Variants in SPATA13 observed in about 807,000 individuals in gnomAD.
SPATA13 encodes spermatogenesis-associated protein 13.
SPATA13 carries 50 observed loss-of-function variants against 104.0 expected under a neutral mutation model. The observed-to-expected ratio is 0.48, with a 90% CI of 0.38 to 0.61. The LOEUF (loss-of-function observed/expected upper bound fraction) is 0.61. SPATA13 is among the 20% of genes least tolerant of loss of function. The probability of loss-of-function intolerance (pLI) is 0.00; values close to 1 mark genes in which losing one functional copy is unlikely to be tolerated. For synonymous variants in SPATA13, 606 were observed against 667.5 expected, an observed-to-expected ratio of 0.91 and a Z score of 1.42; for missense variants, 1,524 against 1,690.6, an observed-to-expected ratio of 0.90 and a Z score of 1.73.
intron 3 of SPATA13, among the ~76,000 whole-genome samples, chr13:24,149,385 A>G (rs1882030804): frequency 6.6e-6 from 1 of 152,076 alleles, no homozygotes; most frequent in African/African-American, 2.4e-5. Flanking sequence ...TACGCATCTC[A>G]CTGTGGGCTG....
intron 3 of SPATA13, among the ~76,000 whole-genome samples, chr13:24,140,605 G>C (rs1881732832): frequency 1.3e-5 from 2 of 152,158 alleles, no homozygotes; most frequent in African/African-American, 4.8e-5. Context: ...GTGTGCCCCT[G>C]CTCTTGTGCG....
At chr13:24,166,834 A>G (rs1882753248) in intron 1 of SPATA13, among the ~76,000 whole-genome samples, 1 of 152,224 alleles carries the variant, frequency 6.6e-6, no homozygotes, top group Admixed American at 6.5e-5. Context: ...GAGGGCATTA[A>G]TCTCCTTCAC....
intron 3 of SPATA13, among the ~76,000 whole-genome samples, chr13:24,055,341 A>T (rs1878506046): frequency 6.6e-6 from 1 of 152,210 alleles, no homozygotes; most frequent in African/African-American, 2.4e-5. Flanking sequence ...AGATGCAATC[A>T]GCATGCCTGG....
chr13:24,118,395 G>T (rs12866835), intron 3 of SPATA13, among the ~76,000 whole-genome samples: 1 of 152,052 alleles, frequency 6.6e-6, no homozygotes, highest in African/African-American at 2.4e-5. Flanking sequence ...CTCCTGGCAC[G>T]TGTGGATTAT....
intron 2 of SPATA13, among the ~76,000 whole-genome samples, chr13:23,997,293 G>A (rs530915034): frequency 3.9e-5 from 6 of 152,256 alleles, no homozygotes; most frequent in African/African-American, 1.2e-4. Flanking sequence ...TCAAAACCAT[G>A]TCCATATTCA....
chr13:24,223,693 C>A lies in SPATA13; in HGVS notation c.764C>A (p.Thr255Lys). 1 of 1,552,184 alleles carries A rather than the reference C, an allele frequency of 6.4e-7. No individual in the cohort carries two copies. Among genetic ancestry groups the A allele is most frequent in the Non-Finnish European group, 8.7e-7 (1 of 1,147,098 alleles). The stretch of plus-strand genomic sequence containing the variant: ...ATGGGCTACAGGAGGAGCAAGAGCA[C>A]GGACAATCTTGCCTTTCTGAAGAAG... ...NSMGYRRSKS[T>K]DNLAFLKKSS... is the part of the protein sequence containing the mutation. Residue 255 changes from threonine (T) to lysine (K), a missense_variant, in exon 2 of 13, where the codon ACG (threonine) becomes AAG (lysine). Physicochemically the swap from Thr to Lys is moderately conservative, Grantham distance 78 (BLOSUM62 -1). Transcript: ENST00000382108.
At chr13:24,209,493 C>T (rs1870894873) in intron 1 of SPATA13, among the ~76,000 whole-genome samples, 1 of 152,168 alleles carries the variant, frequency 6.6e-6, no homozygotes, top group Admixed American at 6.5e-5. Flanking sequence ...GCTTTCAGTT[C>T]TGCGTGTTAA....
chr13:24,291,738 T>TTA (rs1222946945), intron 9 of SPATA13, among the ~76,000 whole-genome samples: 13 of 41,156 alleles, frequency 3.2e-4, no homozygotes, highest in Admixed American at 5.3e-4. Context: ...CTCTCTGTCT[T>TTA]TATTTTTTTA....
chr13:24,171,449 C>T (rs999942603), intron 1 of SPATA13, among the ~76,000 whole-genome samples: 17 of 152,322 alleles, frequency 1.1e-4, no homozygotes, highest in Admixed American at 7.2e-4. Flanking sequence ...TGTTGAATGA[C>T]AGTAGCCATG....
chr13:24,030,209 A>G (rs1877420348), intron 3 of SPATA13, among the ~76,000 whole-genome samples: 1 of 152,186 alleles, frequency 6.6e-6, no homozygotes. Flanking sequence ...CCTAGTTGAC[A>G]TTAGGGTTCA....
intron 3 of SPATA13, among the ~76,000 whole-genome samples, chr13:24,038,099 G>C (rs1316248962): frequency 1.3e-5 from 2 of 151,842 alleles, no homozygotes; most frequent in Non-Finnish European, 2.9e-5. Flanking sequence ...TTTTTTAGTA[G>C]AGACGGGGTT....
At chr13:24,291,749 T>TTTTTATTTTTTTTTTTTTTTTTA (rs1566197867) in intron 9 of SPATA13, among the ~76,000 whole-genome samples, 14 of 79,782 alleles carry the variant, frequency 1.8e-4, no homozygotes, top group Admixed American at 4.1e-4. Flanking sequence ...TATTTTTTTA[T>TTTTTATTTTTTTTTTTTTTTTTA]TTTTTTATTT....
intron 11 of SPATA13, among the ~76,000 whole-genome samples, chr13:24,298,055 T>G (rs1227359166): frequency 6.6e-6 from 1 of 152,216 alleles, no homozygotes; most frequent in African/African-American, 2.4e-5. Flanking sequence ...ATGAGAAAAT[T>G]GAGGCTTATG....
Position 24,286,448 on chromosome 13 carries a change from C to G in SPATA13, c.2481+55C>G. 2 of 1,555,408 alleles carry G rather than the reference C, an allele frequency of 1.3e-6. No homozygotes were observed. The highest frequency in any genetic ancestry group is 1.7e-6 in the Non-Finnish European group (2 of 1,147,300). ...AAGTACCTGGGGGAGCTGCAGGATC[C>G]TTTCAGGTCAGAACTCGCCTTTTAT... On this transcript the variant is annotated intron_variant, in intron 6 of 12. Transcript: ENST00000382108. The surrounding 1 kb of genome is among the most constrained non-coding windows in gnomAD (Gnocchi z 4.9).
intron 3 of SPATA13, among the ~76,000 whole-genome samples, chr13:24,021,014 C>T (rs1242464711): frequency 6.6e-6 from 1 of 152,236 alleles, no homozygotes; most frequent in East Asian, 1.9e-4. Context: ...GCACTCCAGC[C>T]TGTGTGACAG....
intron 4 of SPATA13, among the ~76,000 whole-genome samples, chr13:24,283,205 C>T (rs1239614768): frequency 6.6e-6 from 1 of 152,220 alleles, no homozygotes; most frequent in African/African-American, 2.4e-5. Context: ...AAAATCCTGC[C>T]ACTTGCTTCA....
chr13:24,077,262 C>CAA (rs60810328), intron 3 of SPATA13, among the ~76,000 whole-genome samples: 4,223 of 72,734 alleles, frequency 0.058, 180 homozygotes, highest in Non-Finnish European at 0.078. Flanking sequence ...GACTCCATGT[C>CAA]AAAAAAAAAA....
At chr13:24,005,617 G>A (rs2137679031) in intron 2 of SPATA13, among the ~76,000 whole-genome samples, 1 of 152,152 alleles carries the variant, frequency 6.6e-6, no homozygotes, top group Admixed American at 6.5e-5. Context: ...CAGGGGGTGG[G>A]AGAGGGATGG....
chr13:24,276,027 G>T (rs150004294), intron 4 of SPATA13, among the ~76,000 whole-genome samples: 5 of 152,266 alleles, frequency 3.3e-5, no homozygotes, highest in African/African-American at 1.2e-4. Context: ...GAACTGTTGC[G>T]CACTGTTGGT....
Sources: allele counts gnomAD v4.1 joint callset (sites outside exome capture counted in the v4.1 genomes callset), GRCh38; gene constraint gnomAD v4.1.1; non-coding constraint Gnocchi (gnomAD v3.1); transcripts MANE v1.5; gene names NCBI Gene and HGNC (gene_info 2026-07-23, HGNC 2026-07-21).